SYNPR: variants seen among roughly 807,000 people sequenced by gnomAD.
SYNPR encodes synaptoporin.
In SYNPR, 23 loss-of-function variants were observed where a neutral mutation model predicts 32.9. That is an observed-to-expected ratio of 0.70 (90% CI 0.50 to 0.99). The LOEUF is 0.99. Ranked by LOEUF, SYNPR falls within the 50% of genes least tolerant of loss-of-function variation. The pLI is 0.00. For missense variants in SYNPR, 318 were observed against 349.3 expected (o/e 0.91, Z 0.71); for synonymous variants, 146 against 135.9 (o/e 1.07, Z -0.52).
At chr3:63,223,698 T>A (rs1273057657), upstream of SYNPR, among the ~76,000 whole-genome samples, 2 of 152,272 alleles carry the variant, frequency 1.3e-5, no homozygotes, top group Admixed American at 6.5e-5. Flanking sequence ...TTATATGTGC[T>A]ATGCAGATAG....
chr3:63,319,125 C>T (rs1234674597), intron 2 of SYNPR, among the ~76,000 whole-genome samples: 3 of 152,006 alleles, frequency 2.0e-5, no homozygotes, highest in African/African-American at 7.2e-5. Flanking sequence ...GTGGGTCTTT[C>T]AGCCACGGAT....
At chr3:63,343,001 G>A (rs890242371) in intron 2 of SYNPR, among the ~76,000 whole-genome samples, 4 of 152,156 alleles carry the variant, frequency 2.6e-5, no homozygotes, top group African/African-American at 7.2e-5. Context: ...AAGGCCTGCC[G>A]GAGGAGGTGA....
exon 2 of SYNPR, chr3:63,252,529 G>A (rs2086341536): frequency 6.6e-6 from 1 of 152,006 alleles, no homozygotes; most frequent in African/African-American, 2.4e-5. Flanking sequence ...CGCCTTTAAG[G>A]AAAACTTTCC....
At chr3:63,313,732 CAT>C (rs1179364360) in intron 2 of SYNPR, among the ~76,000 whole-genome samples, 28 of 29,096 alleles carry the variant, frequency 9.6e-4, no homozygotes, top group African/African-American at 4.5e-3. Flanking sequence ...TATATATATC[CAT>C]ATATATATAT....
intron 4 of SYNPR, among the ~76,000 whole-genome samples, chr3:63,568,639 T>A (rs1241563677): frequency 6.6e-6 from 1 of 152,158 alleles, no homozygotes; most frequent in Non-Finnish European, 1.5e-5. Context: ...TGGGCCTAGT[T>A]GATAGTGACC....
the SYNPR span, among the ~76,000 whole-genome samples, chr3:63,201,880 A>G: frequency 6.6e-6 from 1 of 152,060 alleles, no homozygotes; most frequent in African/African-American, 2.4e-5. Context: ...TACTATTTAC[A>G]AATTTACCCT....
chr3:63,331,258 C>A (rs1383508285), intron 2 of SYNPR, among the ~76,000 whole-genome samples: 2 of 152,146 alleles, frequency 1.3e-5, no homozygotes, highest in Admixed American at 6.5e-5. Flanking sequence ...AAACCTATTG[C>A]CGTTCTAGGA....
chr3:63,315,373 G>T (rs2087029493), intron 2 of SYNPR, among the ~76,000 whole-genome samples: 3 of 151,976 alleles, frequency 2.0e-5, no homozygotes, highest in African/African-American at 7.2e-5. Flanking sequence ...ATGAACATGG[G>T]ATGTGTTTCC....
At chr3:63,571,301 T>A (rs34216676) in intron 4 of SYNPR, among the ~76,000 whole-genome samples, 3 of 152,140 alleles carry the variant, frequency 2.0e-5, no homozygotes, top group African/African-American at 7.2e-5. Flanking sequence ...GTATACCTGC[T>A]GTCCCTGCAG....
At chr3:63,370,423 A>C (rs1008931416) in intron 2 of SYNPR, among the ~76,000 whole-genome samples, 1 of 152,244 alleles carries the variant, frequency 6.6e-6, no homozygotes, top group Non-Finnish European at 1.5e-5. Flanking sequence ...AAACACATTG[A>C]CAAGCTGTCT....
intron 3 of SYNPR, among the ~76,000 whole-genome samples, chr3:63,540,742 A>AT (rs941492285): frequency 7.2e-5 from 11 of 151,850 alleles, no homozygotes; most frequent in Admixed American, 3.3e-4. Flanking sequence ...ACTTGGCAAG[A>AT]TTTTTTTTAA....
intron 2 of SYNPR, among the ~76,000 whole-genome samples, chr3:63,410,067 G>T (rs778941284): frequency 1.2e-4 from 18 of 152,106 alleles, no homozygotes; most frequent in Non-Finnish European, 2.2e-4. Flanking sequence ...TCAAGCCACT[G>T]ACTTACACAT....
chr3:63,552,137 G>T (rs1225962367), intron 3 of SYNPR, among the ~76,000 whole-genome samples: 1 of 151,944 alleles, frequency 6.6e-6, no homozygotes, highest in Non-Finnish European at 1.5e-5. Flanking sequence ...ACCTCAGGCA[G>T]TCTGCCTGCC....
intron 3 of SYNPR, among the ~76,000 whole-genome samples, chr3:63,521,153 G>A (rs1215855473): frequency 6.6e-6 from 1 of 152,180 alleles, no homozygotes; most frequent in Non-Finnish European, 1.5e-5. Context: ...ACCCCTTGAA[G>A]ACAATGCTTC....
chr3:63,520,401 G>A (rs1359837644), intron 3 of SYNPR, among the ~76,000 whole-genome samples: 4 of 152,114 alleles, frequency 2.6e-5, no homozygotes, highest in Non-Finnish European at 2.9e-5. Context: ...TCGGCCGGGT[G>A]CGGTGGCTCA....
intron 2 of SYNPR, among the ~76,000 whole-genome samples, chr3:63,264,712 G>T (rs1365834519): frequency 1.3e-5 from 2 of 152,178 alleles, no homozygotes; most frequent in Admixed American, 6.5e-5. Flanking sequence ...AAGGAAAGAG[G>T]TTCAATTGAC....
chr3:63,247,378 A>G (rs889446712), intron 1 of SYNPR, among the ~76,000 whole-genome samples: 1 of 152,102 alleles, frequency 6.6e-6, no homozygotes, highest in Non-Finnish European at 1.5e-5. Context: ...GCCTCCAAGT[A>G]GGATGACAGC....
At chr3:63,318,917 G>C (rs1294598697) in intron 2 of SYNPR, among the ~76,000 whole-genome samples, 1 of 151,992 alleles carries the variant, frequency 6.6e-6, no homozygotes, top group Non-Finnish European at 1.5e-5. Context: ...GGGGCTGAAG[G>C]CTGTTGTTCA....
intron 2 of SYNPR, among the ~76,000 whole-genome samples, chr3:63,278,983 C>T (rs1210582847): frequency 6.6e-6 from 1 of 152,150 alleles, no homozygotes; most frequent in African/African-American, 2.4e-5. Flanking sequence ...CAAGTGTCGT[C>T]TCACCTCACC....
Sources: allele counts gnomAD v4.1 joint callset (sites outside exome capture counted in the v4.1 genomes callset), GRCh38; gene constraint gnomAD v4.1.1; transcripts MANE v1.5; gene names NCBI Gene and HGNC (gene_info 2026-07-23, HGNC 2026-07-21).